The following TRPC4 variants were observed in gnomAD, a reference collection of about 807,000 sequenced individuals.
TRPC4 encodes the protein short transient receptor potential channel 4.
Under a neutral mutation model 99.4 loss-of-function variants are expected in TRPC4, and 49 were observed. The ratio of observed to expected loss-of-function variants is 0.49; its 90% confidence interval spans 0.39 to 0.63. The LOEUF (loss-of-function observed/expected upper bound fraction) is 0.63, where lower values mean the gene tolerates loss of function less well. Among genes scored for constraint, TRPC4 ranks in the 20% least tolerant of loss-of-function variants. The pLI is 0.00. For synonymous variants in TRPC4, 454 were observed against 425.9 expected, an observed-to-expected ratio of 1.07 and a Z score of -0.81; for missense variants, 898 against 1,152.9, an observed-to-expected ratio of 0.78 and a Z score of 3.20.
At chr13:37,689,875 A>T (rs963476478) in intron 4 of TRPC4, among the ~76,000 whole-genome samples, 6 of 152,242 alleles carry the variant, frequency 3.9e-5, no homozygotes, top group African/African-American at 1.4e-4. Flanking sequence ...TTTAAGCTTC[A>T]TTAGCAGAAG....
At chr13:37,721,990 A>G (rs17056514) in intron 3 of TRPC4, among the ~76,000 whole-genome samples, 3,293 of 152,230 alleles carry the variant, frequency 0.022, 48 homozygotes, top group African/African-American at 0.046. Context: ...AAGAATTACC[A>G]TTATTAGCAT....
At chr13:37,767,793 T>C (rs905026819) in intron 2 of TRPC4, among the ~76,000 whole-genome samples, 2 of 151,294 alleles carry the variant, frequency 1.3e-5, no homozygotes, top group African/African-American at 4.8e-5. Context: ...TCCATCTACC[T>C]TTCCACTCCC....
chr13:37,820,220 C>T (rs1209191533), intron 1 of TRPC4, among the ~76,000 whole-genome samples: 9 of 151,896 alleles, frequency 5.9e-5, no homozygotes, highest in South Asian at 4.1e-4. Flanking sequence ...CCTGGAAACA[C>T]GCAACCTCCC....
At chr13:37,683,251 G>A (rs1244171448) in intron 4 of TRPC4, among the ~76,000 whole-genome samples, 1 of 152,078 alleles carries the variant, frequency 6.6e-6, no homozygotes, top group African/African-American at 2.4e-5. Flanking sequence ...TTGGGCAGGT[G>A]GCTTGCTCAT....
intron 1 of TRPC4, among the ~76,000 whole-genome samples, chr13:37,867,997 C>T (rs1404082300): frequency 6.6e-6 from 1 of 152,020 alleles, no homozygotes; most frequent in Non-Finnish European, 1.5e-5. Flanking sequence ...AAGATTGCTT[C>T]TGTTATTTCC....
chr13:37,642,627 G>GT (rs1951750477), intron 8 of TRPC4, among the ~76,000 whole-genome samples: 1 of 152,032 alleles, frequency 6.6e-6, no homozygotes, highest in Admixed American at 6.6e-5. Flanking sequence ...TCAGATCTCA[G>GT]TTTTTTCAGT....
intron 1 of TRPC4, among the ~76,000 whole-genome samples, chr13:37,848,854 C>T (rs1265263323): frequency 1.3e-5 from 2 of 152,154 alleles, no homozygotes; most frequent in Admixed American, 6.6e-5. Context: ...AACTAACATG[C>T]TTTTGTAGGT....
At chr13:37,779,297 G>A (rs2139331113) in intron 2 of TRPC4, among the ~76,000 whole-genome samples, 1 of 152,016 alleles carries the variant, frequency 6.6e-6, no homozygotes, top group East Asian at 2.0e-4. Context: ...GTATCAAGAA[G>A]GTTAAAGCCA....
At chr13:37,732,364 A>G (rs1955266145) in intron 3 of TRPC4, among the ~76,000 whole-genome samples, 1 of 152,168 alleles carries the variant, frequency 6.6e-6, no homozygotes, top group Middle Eastern at 3.2e-3. Flanking sequence ...CAATGAGATA[A>G]TAAGTTGGGA....
intron 1 of TRPC4, among the ~76,000 whole-genome samples, chr13:37,825,231 A>T (rs1958166520): frequency 6.6e-6 from 1 of 151,692 alleles, no homozygotes; most frequent in Non-Finnish European, 1.5e-5. Flanking sequence ...CAGCTCCTGG[A>T]TTCATTAATT....
chr13:37,748,641 T>C (rs1314834644), intron 2 of TRPC4, among the ~76,000 whole-genome samples: 1 of 151,706 alleles, frequency 6.6e-6, no homozygotes, highest in Admixed American at 6.6e-5. Context: ...AGTAATGATA[T>C]GGCTTGGCTT....
At chr13:37,756,609 T>G (rs1323861756) in intron 2 of TRPC4, among the ~76,000 whole-genome samples, 1 of 151,134 alleles carries the variant, frequency 6.6e-6, no homozygotes, top group Non-Finnish European at 1.5e-5. Flanking sequence ...CTTGGCTCAC[T>G]GCAATCTCCG....
At chr13:37,833,610 C>T (rs1566208281) in intron 1 of TRPC4, among the ~76,000 whole-genome samples, 1 of 152,106 alleles carries the variant, frequency 6.6e-6, no homozygotes, top group South Asian at 2.1e-4. Flanking sequence ...ACATCAGCTG[C>T]CACCTGCAGA....
intron 1 of TRPC4, among the ~76,000 whole-genome samples, chr13:37,791,936 C>CTCA: frequency 6.6e-6 from 1 of 152,120 alleles, no homozygotes; most frequent in Non-Finnish European, 1.5e-5. Context: ...AAGGAAAAAG[C>CTCA]GGAAGAGATG....
Position 37,810,872 on chromosome 13 carries a change from C to A in TRPC4, c.-27-27512G>T, listed in dbSNP as rs12583190. The stretch of plus-strand genomic sequence containing the variant: ...AAACATATTACTCTAGTTTATCTCT[C>A]CAACAAACTGATCTCGAAATTTTTT... On this transcript the variant is annotated intron_variant, in intron 1 of 10. Coordinates refer to ENST00000379705, the MANE Select transcript of TRPC4 (RefSeq NM_016179.4). Among the ~76,000 whole-genome samples the A allele has an allele frequency of 1.8e-3, 272 of 152,040 alleles. 4 individuals carry two copies. The East Asian group carries it at 0.05, about 28-fold the overall frequency.
intron 1 of TRPC4, among the ~76,000 whole-genome samples, chr13:37,849,528 C>CT (rs1354774765): frequency 6.6e-6 from 1 of 152,166 alleles, no homozygotes; most frequent in African/African-American, 2.4e-5. Context: ...AACCTCCCTT[C>CT]TTGGACATGA....
In TRPC4 at chr13:37,639,279, C is replaced by T; in HGVS notation, c.2100G>A (p.Leu700=). The T allele has an allele frequency of 1.2e-6, 2 of 1,613,676 alleles. No homozygotes were observed. Among genetic ancestry groups the T allele is most frequent in the South Asian group, 1.1e-5 (1 of 91,054 alleles). The part of the protein sequence containing the change: ...GTIGRRAADN[L]RRHHQYQEVM... The stretch of plus-strand genomic sequence containing the variant: ...TTACTTGGTATTGGTGATGTCTTCT[C>T]AAGTTATCAGCAGCTCGCCTCTGAA... Residue 700 remains leucine (L), a synonymous_variant, in exon 9 of 11, where the codon TTG becomes TTA. Coordinates refer to ENST00000379705, the MANE Select transcript of TRPC4 (RefSeq NM_016179.4).
chr13:37,734,095 T>C (rs1408879748), intron 3 of TRPC4, among the ~76,000 whole-genome samples: 1 of 152,144 alleles, frequency 6.6e-6, no homozygotes. Flanking sequence ...TGCCTCCATG[T>C]TCCATGCTCT....
chr13:37,806,326 T>C (rs1207423299), intron 1 of TRPC4, among the ~76,000 whole-genome samples: 2 of 152,112 alleles, frequency 1.3e-5, no homozygotes, highest in Non-Finnish European at 2.9e-5. Flanking sequence ...AGAATTATTT[T>C]ACACAGTGTG....
Sources: allele counts gnomAD v4.1 joint callset (sites outside exome capture counted in the v4.1 genomes callset), GRCh38; gene constraint gnomAD v4.1.1; transcripts MANE v1.5; gene names NCBI Gene and HGNC (gene_info 2026-07-23, HGNC 2026-07-21).